RNLS: variants seen among roughly 807,000 people sequenced by gnomAD.
The protein encoded by RNLS is renalase, FAD dependent amine oxidase.
RNLS carries 39 observed loss-of-function variants against 39.8 expected under a neutral mutation model. The observed-to-expected ratio is 0.98, with a 90% CI of 0.76 to 1.28. RNLS has a LOEUF of 1.28. Ranked by LOEUF, RNLS falls within the 50% of genes most tolerant of loss-of-function variation. RNLS has a pLI of 0.00. For missense variants in RNLS, 410 were observed against 413.3 expected, an observed-to-expected ratio of 0.99 and a Z score of 0.07; for synonymous variants, 147 against 150.7, an observed-to-expected ratio of 0.98 and a Z score of 0.18.
At chr10:88,253,861 A>G in the RNLS span, among the ~76,000 whole-genome samples, 9 of 152,186 alleles carry the variant, frequency 5.9e-5, no homozygotes, top group African/African-American at 1.9e-4. Flanking sequence ...TTGTCAACTA[A>G]TCCTTGCTAA....
rs796126331 is a variant in RNLS, at chr10:88,407,191, T to G, written c.527-44466A>C. 3.9e-5 allele frequency among the ~76,000 whole-genome samples: 6 copies of G among 152,066 alleles called. 1 individual carries two copies. The highest frequency in any genetic ancestry group is 1.4e-4 in the African/African-American group (6 of 41,512). ...CAAATACCTCCTGAATCCCAATAAC[T>G]TATGGAAAAAAATAGTCAACATCAA... On this transcript the variant is annotated intron_variant, in intron 4 of 6. Coordinates refer to ENST00000331772, the MANE Select transcript of RNLS (RefSeq NM_001031709.3).
chr10:88,199,152 A>G, the RNLS span, among the ~76,000 whole-genome samples: 5 of 152,148 alleles, frequency 3.3e-5, no homozygotes, highest in Non-Finnish European at 5.9e-5. Flanking sequence ...AGAAGTGGTT[A>G]GGGGTTCATG....
Position 88,582,202 on chromosome 10 carries a change from C to T in RNLS, c.224G>A (p.Arg75His), listed in dbSNP as rs779973046. 9 of 1,611,060 alleles carry T rather than the reference C, an allele frequency of 5.6e-6. No individual in the cohort carries two copies. Among genetic ancestry groups the T allele is most frequent in the Middle Eastern group, 1.7e-4 (1 of 6,052 alleles). ...CTPHYAKKHQ[R>H]FYDELLAYGV... ...ATTCCACTCCTTGCAACTAACTCAC[C>T]GTTGGTGTTTTTTGGCATAATGAGG... The change falls in exon 2 of 7, where the codon CGT becomes CAT. Residue 75 changes from arginine (R) to histidine (H), a missense_variant and splice_region_variant. Arg to His is a conservative substitution (Grantham distance 29). Coordinates refer to ENST00000331772, the MANE Select transcript of RNLS (RefSeq NM_001031709.3).
At chr10:88,282,397 G>T (rs3781196), downstream of RNLS, among the ~76,000 whole-genome samples, 30,643 of 151,260 alleles carry the variant, frequency 0.2, 3,182 homozygotes, top group South Asian at 0.27. Flanking sequence ...CTGTGCCTTG[G>T]TTTCCTCACT....
chr10:88,329,916 T>C (rs1189758035), intron 5 of RNLS, among the ~76,000 whole-genome samples: 1 of 151,740 alleles, frequency 6.6e-6, no homozygotes, highest in African/African-American at 2.4e-5. Context: ...TCAGTACTCT[T>C]ATTTCTTCCA....
intron 4 of RNLS, among the ~76,000 whole-genome samples, chr10:88,527,446 T>C (rs932160861): frequency 2.0e-5 from 3 of 152,168 alleles, no homozygotes; most frequent in Admixed American, 1.3e-4. Flanking sequence ...CCCTGTGCCC[T>C]GGGGAGGGGC....
intron 5 of RNLS, chr10:88,343,690 T>C: frequency 1.0e-6 from 1 of 985,400 alleles, no homozygotes; most frequent in Middle Eastern, 5.2e-4. Flanking sequence ...AGACTGCATA[T>C]ATTTCAGGAT....
chr10:88,503,720 T>C (rs1485539015), intron 4 of RNLS, among the ~76,000 whole-genome samples: 2 of 152,202 alleles, frequency 1.3e-5, no homozygotes, highest in East Asian at 3.9e-4. Context: ...GTTTTCAAGA[T>C]ATGTTCACAT....
chr10:88,244,137 G>T, the RNLS span, among the ~76,000 whole-genome samples: 2 of 152,312 alleles, frequency 1.3e-5, no homozygotes, highest in East Asian at 1.9e-4. Context: ...GGGGGTGGGG[G>T]TTCCTGGGCC....
At chr10:88,524,960 C>CACACACAT (rs1390204991) in intron 4 of RNLS, among the ~76,000 whole-genome samples, 1,144 of 88,862 alleles carry the variant, frequency 0.013, 41 homozygotes, top group South Asian at 0.023. Flanking sequence ...CACACACATA[C>CACACACAT]ATATATATAT....
intron 5 of RNLS, among the ~76,000 whole-genome samples, chr10:88,362,038 A>C (rs1242593311): frequency 6.6e-6 from 1 of 152,240 alleles, no homozygotes; most frequent in African/African-American, 2.4e-5. Context: ...TACCCGTTAC[A>C]TTGTTTATAA....
chr10:88,488,344 C>T lies in RNLS; in HGVS notation c.526+84559G>A, dbSNP rs377294104. ...GGCAGATCACCTGAGGTTGGGAGTT[C>T]GAGATCAGCCTGACCAACATGGAGA... On this transcript the variant is annotated intron_variant, in intron 4 of 6. Transcript: ENST00000331772. 2.1e-4 allele frequency among the ~76,000 whole-genome samples: 32 copies of T among 151,992 alleles called. No individual in the cohort carries two copies. The East Asian group carries it at 5.8e-3, about 28-fold the overall frequency.
intron 6 of RNLS, among the ~76,000 whole-genome samples, chr10:88,304,039 A>T (rs1468729287): frequency 1.3e-5 from 2 of 152,234 alleles, no homozygotes; most frequent in East Asian, 3.8e-4. Context: ...GGGGCCCACT[A>T]CAAGTCTTGC....
chr10:88,554,174 CAA>C (rs538631536), intron 4 of RNLS, among the ~76,000 whole-genome samples: 2 of 136,632 alleles, frequency 1.5e-5, no homozygotes, highest in Non-Finnish European at 1.6e-5. Context: ...TAGTTTGATC[CAA>C]AAAAAAAAAG....
chr10:88,308,229 T>C (rs555402791), intron 6 of RNLS, among the ~76,000 whole-genome samples: 4 of 152,320 alleles, frequency 2.6e-5, no homozygotes, highest in African/African-American at 9.6e-5. Context: ...AAAGATTTCA[T>C]GGCAAAGATG....
chr10:88,210,285 T>C, the RNLS span, among the ~76,000 whole-genome samples: 1 of 152,208 alleles, frequency 6.6e-6, no homozygotes, highest in Non-Finnish European at 1.5e-5. Context: ...ATAATCAGTA[T>C]TTAAGCCAGC....
rs551041384 is a variant in RNLS at position 88,542,147 on chromosome 10, G to T, written c.526+30756C>A. ...AACTTCAAGTTATAGTGAATGAAAA[G>T]CTATCATATCAGAATAATCCAGGCC... On this transcript the variant is annotated intron_variant, in intron 4 of 6. Coordinates refer to ENST00000331772, the MANE Select transcript of RNLS (RefSeq NM_001031709.3). 1.5e-4 allele frequency among the ~76,000 whole-genome samples: 23 copies of T among 152,218 alleles called. No homozygotes were observed. In the East Asian group the frequency reaches 4.3e-3, roughly 28 times the overall value.
intron 4 of RNLS, among the ~76,000 whole-genome samples, chr10:88,365,516 AACAC>A (rs61386966): frequency 0.053 from 7,732 of 145,848 alleles, 225 homozygotes; most frequent in Middle Eastern, 0.084. Context: ...AGGATTATAT[AACAC>A]ACACACACAC....
intron 4 of RNLS, among the ~76,000 whole-genome samples, chr10:88,394,836 C>T (rs1852450130): frequency 6.6e-6 from 1 of 152,174 alleles, no homozygotes. Flanking sequence ...AAATGTGGCA[C>T]ATAAACACCA....
Sources: allele counts gnomAD v4.1 joint callset (sites outside exome capture counted in the v4.1 genomes callset), GRCh38; gene constraint gnomAD v4.1.1; transcripts MANE v1.5; gene names NCBI Gene and HGNC (gene_info 2026-07-23, HGNC 2026-07-21).